Variants in ZFPM2 observed in about 807,000 individuals in gnomAD.
ZFPM2 encodes the protein zinc finger protein ZFPM2.
ZFPM2 carries 20 observed loss-of-function variants against 98.6 expected under a neutral mutation model. The ratio of observed to expected loss-of-function variants is 0.20; its 90% CI spans 0.14 to 0.29. The LOEUF is 0.29. Ranked by LOEUF, ZFPM2 falls within the 10% of genes least tolerant of loss-of-function variation. ZFPM2 has a pLI of 1.00. For missense variants in ZFPM2, 1,310 were observed against 1,388.6 expected, an observed-to-expected ratio of 0.94 and a Z score of 0.90; for synonymous variants, 518 against 502.7, an observed-to-expected ratio of 1.03 and a Z score of -0.41.
chr8:105,753,872 G>T (rs901458560), intron 5 of ZFPM2, among the ~76,000 whole-genome samples: 1 of 152,118 alleles, frequency 6.6e-6, no homozygotes, highest in African/African-American at 2.4e-5. Flanking sequence ...AGTGAGGATT[G>T]AATTTTGTAC....
At chr8:105,732,801 T>C (rs1342657290) in intron 5 of ZFPM2, among the ~76,000 whole-genome samples, 1 of 151,852 alleles carries the variant, frequency 6.6e-6, no homozygotes, top group Non-Finnish European at 1.5e-5. Context: ...GATTCCTTTA[T>C]GATTAAACGT....
At chr8:105,707,588 T>A (rs1296090448) in intron 5 of ZFPM2, among the ~76,000 whole-genome samples, 1 of 152,206 alleles carries the variant, frequency 6.6e-6, no homozygotes, top group Non-Finnish European at 1.5e-5. Flanking sequence ...GTGTATGGCC[T>A]TGTACTGTTG....
chr8:105,683,721 CCTCT>C (rs943965220), intron 5 of ZFPM2, among the ~76,000 whole-genome samples: 3 of 152,012 alleles, frequency 2.0e-5, no homozygotes, highest in Admixed American at 6.6e-5. Context: ...CTGAGATTAC[CCTCT>C]CTAAGAAGCC....
chr8:105,343,722 T>C (rs1299145594), intron 1 of ZFPM2, among the ~76,000 whole-genome samples: 1 of 152,106 alleles, frequency 6.6e-6, no homozygotes, highest in East Asian at 1.9e-4. Flanking sequence ...ACATTTATTA[T>C]TTAGTAGATC....
At chr8:105,661,108 A>C (rs1456611412) in intron 5 of ZFPM2, among the ~76,000 whole-genome samples, 1 of 152,174 alleles carries the variant, frequency 6.6e-6, no homozygotes, top group Non-Finnish European at 1.5e-5. Context: ...GTGATACAAT[A>C]AATATCTATA....
chr8:105,737,889 G>C (rs1467318578), intron 5 of ZFPM2: 1 of 151,814 alleles, frequency 6.6e-6, no homozygotes, highest in Non-Finnish European at 1.5e-5. Flanking sequence ...CTTCTAGTGG[G>C]TGCTTTCTTA....
chr8:105,517,742 C>CACACACACACACACACACA (rs1586430844), intron 3 of ZFPM2, among the ~76,000 whole-genome samples: 9 of 150,204 alleles, frequency 6.0e-5, no homozygotes, highest in East Asian at 2.0e-4. Flanking sequence ...CACACACACA[C>CACACACACACACACACACA]CCCTAGTTGG....
At chr8:105,469,481 C>G (rs1321537245) in intron 3 of ZFPM2, among the ~76,000 whole-genome samples, 3 of 152,144 alleles carry the variant, frequency 2.0e-5, no homozygotes, top group African/African-American at 7.2e-5. Flanking sequence ...CCATTGCTCT[C>G]CAGCTGGTGT....
intron 5 of ZFPM2, among the ~76,000 whole-genome samples, chr8:105,641,388 C>A (rs925487747): frequency 2.6e-5 from 4 of 151,946 alleles, no homozygotes; most frequent in Non-Finnish European, 5.9e-5. Context: ...TTTCTGGTTA[C>A]GTTCTATTAA....
At chr8:105,723,743 C>T (rs1451949305) in intron 5 of ZFPM2, among the ~76,000 whole-genome samples, 1 of 151,832 alleles carries the variant, frequency 6.6e-6, no homozygotes, top group Non-Finnish European at 1.5e-5. Context: ...AACGCGACTG[C>T]ATTTGCTCTA....
At position 105,750,502 on chromosome 8, in the gene ZFPM2, AT is replaced by A. The variant is rs1267767047; in HGVS notation, c.533-38214del. On this transcript the variant is annotated intron_variant, in intron 5 of 7. Coordinates refer to ENST00000407775, the MANE Select transcript of ZFPM2 (RefSeq NM_012082.4). ...TATCATTCAAGGAAAATGAAATTAG[AT>A]TAGTATAATATCTTTCAGGAAATTT... Among the ~76,000 whole-genome samples the A allele has an allele frequency of 2.0e-5, 3 of 152,172 alleles. No homozygotes were observed. The South Asian group carries it at 6.3e-4, about 32-fold the overall frequency.
intron 5 of ZFPM2, among the ~76,000 whole-genome samples, chr8:105,683,605 G>A (rs1235352964): frequency 6.6e-6 from 1 of 152,002 alleles, no homozygotes; most frequent in Admixed American, 6.6e-5. Context: ...CAATATTTCT[G>A]GCTTCTTTGC....
chr8:105,560,309 A>G (rs1815105198), intron 3 of ZFPM2, among the ~76,000 whole-genome samples: 1 of 152,096 alleles, frequency 6.6e-6, no homozygotes, highest in South Asian at 2.1e-4. Flanking sequence ...ATAGTTTTGC[A>G]CCAACCTAAT....
At chr8:105,581,528 C>T (rs1815599179) in intron 4 of ZFPM2, among the ~76,000 whole-genome samples, 1 of 152,094 alleles carries the variant, frequency 6.6e-6, no homozygotes, top group Non-Finnish European at 1.5e-5. Context: ...TGCATTTAAC[C>T]TCTTTTGTAG....
At chr8:105,597,301 C>T (rs1448891172) in intron 4 of ZFPM2, among the ~76,000 whole-genome samples, 1 of 152,078 alleles carries the variant, frequency 6.6e-6, no homozygotes, top group Non-Finnish European at 1.5e-5. Context: ...TCTGGAGTTA[C>T]ACAAAATTTG....
chr8:105,366,765 C>T (rs1393801366), intron 1 of ZFPM2, among the ~76,000 whole-genome samples: 7 of 148,460 alleles, frequency 4.7e-5, no homozygotes, highest in South Asian at 2.1e-4. Context: ...TGAGAATATG[C>T]GGTGTTTGGG....
At chr8:105,397,443 A>T (rs558833103) in intron 1 of ZFPM2, among the ~76,000 whole-genome samples, 31 of 152,306 alleles carry the variant, frequency 2.0e-4, no homozygotes, top group African/African-American at 7.5e-4. Context: ...TTTGTTGATC[A>T]CTGTTTAAAT....
chr8:105,442,701 T>G (rs1210515885), intron 2 of ZFPM2, among the ~76,000 whole-genome samples: 1 of 152,224 alleles, frequency 6.6e-6, no homozygotes, highest in Non-Finnish European at 1.5e-5. Context: ...ATCCTGGGTT[T>G]CTACATTCCT....
At chr8:105,560,574 G>T (rs566634289) in intron 3 of ZFPM2, among the ~76,000 whole-genome samples, 62 of 133,198 alleles carry the variant, frequency 4.7e-4, no homozygotes, top group African/African-American at 1.1e-3. Flanking sequence ...GCTATTGGCC[G>T]TTTTTTTTTT....
Sources: allele counts gnomAD v4.1 joint callset (sites outside exome capture counted in the v4.1 genomes callset), GRCh38; gene constraint gnomAD v4.1.1; transcripts MANE v1.5; gene names NCBI Gene and HGNC (gene_info 2026-07-23, HGNC 2026-07-21).